The following SMC1A variants were observed in gnomAD, a reference collection of about 807,000 sequenced individuals.
The protein encoded by SMC1A is structural maintenance of chromosomes 1A.
In SMC1A, 4 loss-of-function variants were observed where a neutral mutation model predicts 94.5. The observed-to-expected ratio is 0.04, with a 90% CI of 0.02 to 0.10. The LOEUF is 0.10. Ranked by LOEUF, SMC1A falls within the 10% of genes least tolerant of loss-of-function variation. The pLI, the probability that SMC1A is intolerant of heterozygous loss-of-function variation, is 1.00. For missense variants in SMC1A, 304 were observed against 989.0 expected (o/e 0.31, Z 9.29); for synonymous variants, 345 against 347.7 (o/e 0.99, Z 0.09).
rs1371036816 is a variant in SMC1A at position 53,374,889 on chromosome X, T to A, written c.*5214A>T. 8.8e-6 allele frequency: 1 copy of A among 113,069 alleles called. No individual in the cohort carries two copies. Among genetic ancestry groups the A allele is most frequent in the Non-Finnish European group, 1.9e-5 (1 of 53,343 alleles). The allele number at this position is 113,069 out of a possible 1,213,427, so 9.3% of individuals were successfully genotyped here. A position where few individuals can be genotyped will look rare whatever the true frequency, so the allele number is the denominator to read the frequency against. On this transcript the variant is annotated 3_prime_UTR_variant, in exon 25 of 25. Transcript: ENST00000322213. ...CATTAAATTCTAATTAACGTTCACT[T>A]CTTCTGAATAGCTCACATTCTGCCT...
chrX:53,405,557 G>C lies in SMC1A; in HGVS notation c.1847C>G (p.Ala616Gly), dbSNP rs782196047. 8.3e-7 allele frequency: 1 copy of C among 1,212,085 alleles called. No individual in the cohort carries two copies. The highest frequency in any genetic ancestry group is 1.1e-6 in the Non-Finnish European group (1 of 895,576). ...KKALQYACGN[A>G]LVCDNVEDAR... Reference sequence around the variant, plus strand: ...ATCTTCCACGTTGTCACAGACAAGGGCATTGCCACAAGCATACTGCAGGGC... The same window carrying C: ...ATCTTCCACGTTGTCACAGACAAGGCCATTGCCACAAGCATACTGCAGGGC... Residue 616 changes from alanine to glycine, a missense_variant, in exon 11 of 25, where the codon GCC (alanine) becomes GGC (glycine). By Grantham distance (60) the Ala-to-Gly change is moderately conservative. This residue lies in a region of SMC1A where 57 missense variants were observed against 278.1 expected (regional missense o/e 0.20). Transcript: ENST00000322213.
intron 15 of SMC1A, among the ~76,000 whole-genome samples, chrX:53,401,739 T>C (rs1602408278): frequency 9.0e-6 from 1 of 110,506 alleles, no homozygotes; most frequent in Non-Finnish European, 1.9e-5. Context: ...ACATTATATA[T>C]ATACACATAT....
Position 53,413,321 on chromosome X carries a change from C to G in SMC1A, c.526G>C (p.Val176Leu). The G allele has an allele frequency of 4.1e-6, 5 of 1,211,856 alleles. No homozygotes were observed. The highest frequency in any genetic ancestry group is 5.6e-6 in the Non-Finnish European group (5 of 895,462). The part of the protein sequence containing the change: ...QEYDKRKKEM[V>L]KAEEDTQFNY... ...AACTGTGTGTCCTCTTCAGCCTTCACCATTTCCTTCTTTCGCTTGTCATAC... is the reference window on the plus strand; with the variant it reads ...AACTGTGTGTCCTCTTCAGCCTTCAGCATTTCCTTCTTTCGCTTGTCATAC... Residue 176 changes from valine (V) to leucine (L), a missense_variant, in exon 4 of 25, where the codon GTG (valine) becomes CTG (leucine). Val to Leu is a conservative substitution (Grantham distance 32). Transcript: ENST00000322213.
At chrX:53,397,734 G>C (rs2075656784) in intron 16 of SMC1A, among the ~76,000 whole-genome samples, 1 of 111,822 alleles carries the variant, frequency 8.9e-6, no homozygotes. Context: ...GGGTAGATAG[G>C]AGTTCTTTGT....
chrX:53,410,831 TAAAAAG>T (rs1556890394), intron 7 of SMC1A, among the ~76,000 whole-genome samples: 1 of 99,063 alleles, frequency 1.0e-5, no homozygotes, highest in African/African-American at 3.7e-5. Flanking sequence ...AATAAAAAAA[TAAAAAG>T]AATCACTTGA....
At chrX:53,398,074 T>C (rs1328357586) in intron 16 of SMC1A, among the ~76,000 whole-genome samples, 1 of 107,001 alleles carries the variant, frequency 9.3e-6, no homozygotes, top group Non-Finnish European at 1.9e-5. Context: ...TAATTCCAGC[T>C]ACTCAGGAGG....
chrX:53,389,506 G>A (rs1032018323), intron 19 of SMC1A, among the ~76,000 whole-genome samples: 8 of 111,009 alleles, frequency 7.2e-5, no homozygotes, highest in African/African-American at 1.3e-4. Flanking sequence ...CGAGGCGGGC[G>A]GATCACAAAG....
rs782513920 is a variant in SMC1A at position 53,390,816 on chromosome X, C to T, written c.2973+3962G>A. On this transcript the variant is annotated intron_variant, in intron 19 of 24. Transcript: ENST00000322213. ...TACCATCCTGGCTAACATGATGAAA[C>T]CCCGTCTCTACTAAAAATACAAAAA... is the stretch of plus-strand genomic sequence containing the variant. 5.8e-5 allele frequency among the ~76,000 whole-genome samples: 6 copies of T among 103,299 alleles called. No homozygotes were observed. The South Asian group carries it at 2.7e-3, about 47-fold the overall frequency. 89.7% of individuals were successfully genotyped at this position (103,299 alleles called of 115,157 possible).
At chrX:53,392,355 G>A (rs2075632881) in intron 19 of SMC1A, among the ~76,000 whole-genome samples, 1 of 107,995 alleles carries the variant, frequency 9.3e-6, no homozygotes, top group Admixed American at 9.9e-5. Flanking sequence ...CCACGCCACT[G>A]CACTCCAGCC....
chrX:53,417,575 G>A (rs782518159), intron 1 of SMC1A, among the ~76,000 whole-genome samples: 13 of 105,803 alleles, frequency 1.2e-4, no homozygotes, highest in African/African-American at 4.4e-4. Context: ...AAAAAAAAGT[G>A]AGCGAACCAT....
chrX:53,413,806 G>A (rs2075722101), intron 3 of SMC1A, among the ~76,000 whole-genome samples: 1 of 111,450 alleles, frequency 9.0e-6, no homozygotes, highest in Non-Finnish European at 1.9e-5. Flanking sequence ...GCCGGGCGCG[G>A]TGGCTCACAC....
chrX:53,393,976 G>A (rs1190197348), intron 19 of SMC1A, among the ~76,000 whole-genome samples: 2 of 108,692 alleles, frequency 1.8e-5, no homozygotes, highest in African/African-American at 6.7e-5. Flanking sequence ...GACCAACATG[G>A]TAGAACCCCG....
chrX:53,414,000 C>T (rs2075722786), intron 3 of SMC1A, among the ~76,000 whole-genome samples: 1 of 107,452 alleles, frequency 9.3e-6, no homozygotes. Context: ...TCACTTGAAC[C>T]CTGGAGACGG....
At position 53,377,572 on chromosome X, in the gene SMC1A, C is replaced by T. The variant is rs2075564635; in HGVS notation, c.*2531G>A. 1 of 111,915 alleles carries T rather than the reference C, an allele frequency of 8.9e-6. No individual in the cohort carries two copies. Among genetic ancestry groups the T allele is most frequent in the South Asian group, 3.7e-4 (1 of 2,707 alleles). 9.2% of individuals were successfully genotyped at this position (111,915 alleles called of 1,213,427 possible). A position where few individuals can be genotyped will look rare whatever the true frequency, so the allele number is the denominator to read the frequency against. ...CTTTACAAACGATTCTGATGCGCAG[C>T]CAAGGTTGATAACCACCTGTACAGT... On this transcript the variant is annotated 3_prime_UTR_variant, in exon 25 of 25. Transcript: ENST00000322213.
chrX:53,390,146 G>T (rs1280511320), intron 19 of SMC1A, among the ~76,000 whole-genome samples: 1 of 101,139 alleles, frequency 9.9e-6, no homozygotes, highest in Non-Finnish European at 2.0e-5. Context: ...ACCCGGCCCA[G>T]AATTTGCTTT....
At chrX:53,391,417 G>A (rs1260418755) in intron 19 of SMC1A, among the ~76,000 whole-genome samples, 10 of 105,585 alleles carry the variant, frequency 9.5e-5, no homozygotes, top group Non-Finnish European at 1.6e-4. Context: ...CCAGAAGTTC[G>A]AGACCATCCT....
At position 53,399,642 on chromosome X, in the gene SMC1A, T is replaced by A. The variant is rs1556888569; in HGVS notation, c.2509A>T (p.Met837Leu). ...QLKEDQDKVH[M>L]WEQTVKKDEN... is the part of the protein sequence containing the mutation. ...TCTTTTTTCACTGTCTGCTCCCACA[T>A]GTGTACTTTATCTTGGTCCTCCTTC... Residue 837 changes from methionine (M) to leucine (L), a missense_variant, in exon 16 of 25, where the codon ATG becomes TTG. Physicochemically the swap from Met to Leu is conservative, Grantham distance 15. Around this residue, in one of 11 missense-constraint regions of SMC1A, gnomAD observed 35 missense variants for 95.4 expected, o/e 0.37. Coordinates refer to ENST00000322213, the MANE Select transcript of SMC1A (RefSeq NM_006306.4). 5.0e-6 allele frequency: 6 copies of A among 1,207,831 alleles called. No homozygotes were observed. Among genetic ancestry groups the A allele is most frequent in the Non-Finnish European group, 6.7e-6 (6 of 891,853 alleles).
chrX:53,414,911 T>A, intron 2 of SMC1A, 41 bp from the exon 3 acceptor site: 1 of 1,188,518 alleles, frequency 8.4e-7, no homozygotes, highest in Non-Finnish European at 1.1e-6. Context: ...CAGGCCTCCT[T>A]CCTGTCCCAA....
chrX:53,374,613 T>C lies in SMC1A; in HGVS notation c.*5490A>G. Reference sequence around the variant, plus strand: ...TCTACTGTCTCATGATCTTATCTATTCAAGCCTTCTGCTGCTTTGTGGATC... The same window carrying C: ...TCTACTGTCTCATGATCTTATCTATCCAAGCCTTCTGCTGCTTTGTGGATC... On this transcript the variant is annotated 3_prime_UTR_variant, in exon 25 of 25. Coordinates refer to ENST00000322213, the MANE Select transcript of SMC1A (RefSeq NM_006306.4). 8.9e-6 allele frequency: 1 copy of C among 112,172 alleles called. No homozygotes were observed. The highest frequency in any genetic ancestry group is 1.9e-5 in the Non-Finnish European group (1 of 53,220). 9.2% of individuals were successfully genotyped at this position (112,172 alleles called of 1,213,427 possible). A position where few individuals can be genotyped will look rare whatever the true frequency, so the allele number is the denominator to read the frequency against.
Sources: gnomAD v4.1 joint callset for allele counts (sites outside exome capture counted in the v4.1 genomes callset) on GRCh38, gnomAD v4.1.1 for gene constraint, gnomAD v4.1.1 regional missense constraint, MANE v1.5 for transcripts, NCBI Gene and HGNC (gene_info 2026-07-23, HGNC 2026-07-21) for gene names.